PPP2R5A: variants seen among roughly 807,000 people sequenced by gnomAD.
PPP2R5A encodes serine/threonine-protein phosphatase 2A 56 kDa regulatory subunit alpha isoform.
A neutral mutation model predicts 64.2 loss-of-function variants in PPP2R5A; 25 were observed. The ratio of observed to expected loss-of-function variants is 0.39; its 90% CI spans 0.28 to 0.54. PPP2R5A has a LOEUF of 0.54. PPP2R5A is among the 20% of genes least tolerant of loss of function. The pLI is 0.67. For missense variants in PPP2R5A, 425 were observed against 576.3 expected (o/e 0.74, Z 2.69); for synonymous variants, 198 against 201.2 (o/e 0.98, Z 0.13).
At chr1:212,311,595 T>C (rs866912440) in intron 1 of PPP2R5A, among the ~76,000 whole-genome samples, 25 of 152,130 alleles carry the variant, frequency 1.6e-4, no homozygotes, top group African/African-American at 5.6e-4. Context: ...CTTCTACTTA[T>C]TACAAAAAAA....
intron 8 of PPP2R5A, among the ~76,000 whole-genome samples, chr1:212,351,032 T>C (rs1164043299): frequency 2.7e-5 from 4 of 147,362 alleles, no homozygotes; most frequent in Non-Finnish European, 4.5e-5. Context: ...TAATCTCAGC[T>C]ACTAGGGAGG....
chr1:212,338,979 TAATAA>T, intron 3 of PPP2R5A, among the ~76,000 whole-genome samples: 1 of 152,224 alleles, frequency 6.6e-6, no homozygotes, highest in Middle Eastern at 3.4e-3. Context: ...AACAAAATAA[TAATAA>T]AATAATTGGC....
Position 212,309,880 on chromosome 1 carries a change from A to G in PPP2R5A, c.182-19255A>G, listed in dbSNP as rs183667209. Among the ~76,000 whole-genome samples the G allele has an allele frequency of 2.5e-3, 377 of 152,342 alleles. 2 individuals carry two copies. The highest frequency in any genetic ancestry group is 2.0e-3 in the Non-Finnish European group (139 of 68,038). On this transcript the variant is annotated intron_variant, in intron 1 of 12. Transcript: ENST00000261461. Reference sequence around the variant, plus strand: ...ATACCCACCACCACAGATAAGCAAAAAAGTCCTCACATCCTAAGGGTTGGA... The same window carrying G: ...ATACCCACCACCACAGATAAGCAAAGAAGTCCTCACATCCTAAGGGTTGGA...
At chr1:212,308,562 C>T (rs547502743) in intron 1 of PPP2R5A, among the ~76,000 whole-genome samples, 4 of 152,206 alleles carry the variant, frequency 2.6e-5, no homozygotes, top group African/African-American at 9.6e-5. Flanking sequence ...GCACCTGCCA[C>T]CATGCCCGGC....
chr1:212,324,894 C>CG (rs1486503935), intron 1 of PPP2R5A, among the ~76,000 whole-genome samples: 1 of 151,994 alleles, frequency 6.6e-6, no homozygotes, highest in African/African-American at 2.4e-5. Flanking sequence ...CATGAGCCAC[C>CG]GCACCTGGCA....
At chr1:212,309,650 C>G in intron 1 of PPP2R5A, 1 of 502,210 alleles carries the variant, frequency 2.0e-6, no homozygotes, top group Non-Finnish European at 3.5e-6. Context: ...CTACAACCTT[C>G]TTTTTTTCTG....
chr1:212,303,847 T>C (rs1658844624), intron 1 of PPP2R5A, among the ~76,000 whole-genome samples: 1 of 152,184 alleles, frequency 6.6e-6, no homozygotes, highest in African/African-American at 2.4e-5. Context: ...AGCACATGGT[T>C]TTATTTCTGG....
intron 1 of PPP2R5A, among the ~76,000 whole-genome samples, chr1:212,301,348 C>T (rs1380308483): frequency 6.6e-6 from 1 of 152,100 alleles, no homozygotes; most frequent in Non-Finnish European, 1.5e-5. Flanking sequence ...GCAGTAGTTG[C>T]GGATATACTT....
At chr1:212,321,324 C>A (rs899988169) in intron 1 of PPP2R5A, among the ~76,000 whole-genome samples, 2 of 147,510 alleles carry the variant, frequency 1.4e-5, no homozygotes, top group African/African-American at 2.5e-5. Flanking sequence ...AGGGGCTGAC[C>A]CCCCCACCTC....
At chr1:212,305,540 T>G (rs1436920890) in intron 1 of PPP2R5A, among the ~76,000 whole-genome samples, 1 of 152,116 alleles carries the variant, frequency 6.6e-6, no homozygotes, top group Non-Finnish European at 1.5e-5. Flanking sequence ...TTCTGTAGTG[T>G]TCCATAGACA....
intron 1 of PPP2R5A, among the ~76,000 whole-genome samples, chr1:212,324,719 C>T (rs1659376678): frequency 6.6e-6 from 1 of 152,058 alleles, no homozygotes; most frequent in African/African-American, 2.4e-5. Flanking sequence ...ATTCTTCTGC[C>T]TCAGCCTCCT....
intron 2 of PPP2R5A, among the ~76,000 whole-genome samples, chr1:212,331,941 T>G (rs1187224405): frequency 6.6e-6 from 1 of 152,236 alleles, no homozygotes; most frequent in Non-Finnish European, 1.5e-5. Context: ...ATCTTACCAA[T>G]TTAGACTCTT....
intron 2 of PPP2R5A, 86 bp downstream of exon 2, chr1:212,329,417 T>G (rs1659462474): frequency 8.5e-7 from 1 of 1,173,586 alleles, no homozygotes; most frequent in Non-Finnish European, 1.2e-6. Context: ...TTTAAATAAA[T>G]GTACAATAAT....
At chr1:212,335,810 T>C (rs1659585102) in intron 3 of PPP2R5A, among the ~76,000 whole-genome samples, 2 of 152,248 alleles carry the variant, frequency 1.3e-5, no homozygotes, top group African/African-American at 4.8e-5. Context: ...CATATTCTCA[T>C]TAGCTGATAA....
chr1:212,356,580 AC>A, intron 8 of PPP2R5A, 45 bp from the exon 9 acceptor site: 1 of 1,570,062 alleles, frequency 6.4e-7, no homozygotes, highest in Non-Finnish European at 8.7e-7. Context: ...GCTGGGATTA[AC>A]TAGCTTTGTT....
chr1:212,299,196 C>G lies in PPP2R5A; in HGVS notation c.181+12905C>G, dbSNP rs539486779. 2.7e-3 allele frequency: 61 copies of G among 22,334 alleles called. 24 individuals are homozygous for G. The highest frequency in any genetic ancestry group is 0.023 in the Admixed American group (60 of 2,604). 1.4% of individuals were successfully genotyped at this position (22,334 alleles called of 1,614,324 possible). Reference sequence around the variant, plus strand: ...GGGGGCTGACCCCCCCCACCTCCCTCCCGGACGGGGTGGCTGCCGGGCGGA... The same window carrying G: ...GGGGGCTGACCCCCCCCACCTCCCTGCCGGACGGGGTGGCTGCCGGGCGGA... On this transcript the variant is annotated intron_variant, in intron 1 of 12. Transcript: ENST00000261461.
At chr1:212,353,764 C>A (rs535442312) in intron 8 of PPP2R5A, among the ~76,000 whole-genome samples, 15 of 152,182 alleles carry the variant, frequency 9.9e-5, no homozygotes, top group African/African-American at 2.7e-4. Context: ...AAAAATAATT[C>A]AATTGGCATT....
chr1:212,342,084 C>T, intron 3 of PPP2R5A, 104 bp from the exon 4 acceptor site: 1 of 1,428,416 alleles, frequency 7.0e-7, no homozygotes, highest in Admixed American at 2.6e-5. Context: ...TCTGAAATCT[C>T]CCCACTAAGT....
intron 1 of PPP2R5A, among the ~76,000 whole-genome samples, chr1:212,302,998 G>A (rs1658826526): frequency 6.6e-6 from 1 of 152,006 alleles, no homozygotes; most frequent in Non-Finnish European, 1.5e-5. Context: ...TTCCTCACTC[G>A]ATGGACATTT....
Sources: gnomAD v4.1 joint callset for allele counts (sites outside exome capture counted in the v4.1 genomes callset) on GRCh38, gnomAD v4.1.1 for gene constraint, MANE v1.5 for transcripts, NCBI Gene and HGNC (gene_info 2026-07-23, HGNC 2026-07-21) for gene names.